DNAJC11: variants seen among roughly 807,000 people sequenced by gnomAD.
DNAJC11 encodes the protein DnaJ heat shock protein family (Hsp40) member C11.
DNAJC11 carries 15 observed loss-of-function variants against 78.6 expected under a neutral mutation model. That is an observed-to-expected ratio of 0.19 (90% confidence interval 0.13 to 0.29). The LOEUF (loss-of-function observed/expected upper bound fraction) is 0.29, where lower values mean the gene tolerates loss of function less well. DNAJC11 is among the 10% of genes least tolerant of loss of function. The probability of loss-of-function intolerance (pLI) is 1.00; values close to 1 mark genes in which losing one functional copy is unlikely to be tolerated. For synonymous variants in DNAJC11, 292 were observed against 272.1 expected (o/e 1.07, Z -0.72); for missense variants, 547 against 709.6 (o/e 0.77, Z 2.60).
At chr1:6,683,046 G>T (rs1026167738) in intron 1 of DNAJC11, among the ~76,000 whole-genome samples, 1 of 152,196 alleles carries the variant, frequency 6.6e-6, no homozygotes, top group African/African-American at 2.4e-5. Context: ...AAGGTTCCAT[G>T]AACTACTCTG....
chr1:6,671,306 G>A (rs775172683), intron 3 of DNAJC11, among the ~76,000 whole-genome samples: 5 of 151,980 alleles, frequency 3.3e-5, no homozygotes, highest in African/African-American at 7.2e-5. Context: ...GTAGTGGTGC[G>A]ATCTCGGCTC....
chr1:6,648,467 T>C (rs1275465679), intron 7 of DNAJC11, among the ~76,000 whole-genome samples: 1 of 152,038 alleles, frequency 6.6e-6, no homozygotes, highest in African/African-American at 2.4e-5. Flanking sequence ...GCATTTCTTT[T>C]TTCTTTTGAG....
intron 1 of DNAJC11, among the ~76,000 whole-genome samples, chr1:6,685,762 G>A (rs1308662358): frequency 1.3e-5 from 2 of 152,296 alleles, no homozygotes; most frequent in Admixed American, 6.5e-5. Flanking sequence ...TCCCCGGTTT[G>A]CAAAGTATTC....
intron 4 of DNAJC11, among the ~76,000 whole-genome samples, chr1:6,659,359 G>A (rs573400073): frequency 1.3e-5 from 2 of 152,210 alleles, no homozygotes; most frequent in South Asian, 4.1e-4. Flanking sequence ...CGTTGGCTCT[G>A]CCCTCTATCT....
At chr1:6,673,549 C>CT (rs1327259987) in intron 3 of DNAJC11, among the ~76,000 whole-genome samples, 2 of 152,078 alleles carry the variant, frequency 1.3e-5, no homozygotes, top group Non-Finnish European at 2.9e-5. Context: ...TTTGGAAACG[C>CT]TACAACAACA....
At chr1:6,685,034 A>G (rs548172294) in intron 1 of DNAJC11, among the ~76,000 whole-genome samples, 1 of 152,344 alleles carries the variant, frequency 6.6e-6, no homozygotes, top group South Asian at 2.1e-4. Flanking sequence ...GCACTTTGGT[A>G]TCCCAAGGTG....
chr1:6,669,781 T>C (rs1642349788), intron 3 of DNAJC11, among the ~76,000 whole-genome samples: 1 of 152,144 alleles, frequency 6.6e-6, no homozygotes, highest in Non-Finnish European at 1.5e-5. Context: ...GTTACTCTTT[T>C]TCTATCACGA....
chr1:6,690,496 GCTCT>G (rs578127664), intron 1 of DNAJC11, among the ~76,000 whole-genome samples: 1 of 152,208 alleles, frequency 6.6e-6, no homozygotes, highest in African/African-American at 2.4e-5. Context: ...CTGCGGCTGT[GCTCT>G]CTATCTTCAC....
chr1:6,673,195 C>CAAAAAAA (rs70981399), intron 3 of DNAJC11, among the ~76,000 whole-genome samples: 5 of 39,280 alleles, frequency 1.3e-4, no homozygotes, highest in Admixed American at 4.6e-4. Flanking sequence ...AACTCCATCT[C>CAAAAAAA]AAAAAAAAAA....
intron 1 of DNAJC11, among the ~76,000 whole-genome samples, chr1:6,692,716 A>C (rs574568871): frequency 7.8e-4 from 115 of 148,000 alleles, no homozygotes; most frequent in African/African-American, 2.6e-3. Context: ...GTTCAAGTGA[A>C]TCTCCTGCCT....
chr1:6,680,482 C>T lies in DNAJC11; in HGVS notation c.202+426G>A, dbSNP rs1475608457. On this transcript the variant is annotated intron_variant, in intron 2 of 15. Transcript: ENST00000377577. This position sits in a 1 kb window ranked among gnomAD's most constrained non-coding sequence, Gnocchi z 4.0. ...CTATAAGCCTTCTTAACATCATTTTCTTTCTTTTATTACAACCGATAACTG... is the reference window on the plus strand; with the variant it reads ...CTATAAGCCTTCTTAACATCATTTTTTTTCTTTTATTACAACCGATAACTG... Among the ~76,000 whole-genome samples the T allele has an allele frequency of 2.0e-5, 3 of 152,160 alleles. No individual in the cohort carries two copies. Among genetic ancestry groups the T allele is most frequent in the African/African-American group, 7.2e-5 (3 of 41,444 alleles).
intron 10 of DNAJC11, among the ~76,000 whole-genome samples, chr1:6,642,089 C>T (rs1050060193): frequency 1.3e-5 from 2 of 152,114 alleles, no homozygotes; most frequent in African/African-American, 4.8e-5. Context: ...CAAAGGCCAC[C>T]TCATAAGCAG....
intron 3 of DNAJC11, among the ~76,000 whole-genome samples, chr1:6,668,623 G>A (rs1267732635): frequency 1.3e-5 from 2 of 151,866 alleles, no homozygotes; most frequent in African/African-American, 2.4e-5. Flanking sequence ...TTGTAGAAAC[G>A]GGGTCTTGCT....
chr1:6,653,661 C>T lies in DNAJC11; in HGVS notation c.507+250G>A, dbSNP rs562262794. On this transcript the variant is annotated intron_variant, in intron 5 of 15. Coordinates refer to ENST00000377577, the MANE Select transcript of DNAJC11 (RefSeq NM_018198.4). The surrounding 1 kb of genome is among the most constrained non-coding windows in gnomAD (Gnocchi z 4.5). ...CTCTACTTCTCCCAGACCATTAACA[C>T]CCTCTGCTGGAAAGGCCCAAGACCT... The T allele has an allele frequency of 5.3e-6, 2 of 375,348 alleles. No homozygotes were observed. The highest frequency in any genetic ancestry group is 2.6e-5 in the South Asian group (1 of 39,002). 23.3% of individuals were successfully genotyped at this position (375,348 alleles called of 1,614,324 possible).
At chr1:6,694,874 C>T (rs997351390) in intron 1 of DNAJC11, among the ~76,000 whole-genome samples, 10 of 150,228 alleles carry the variant, frequency 6.7e-5, no homozygotes, top group African/African-American at 2.2e-4. Flanking sequence ...ACTCAGGAGG[C>T]TGAGGCAGGA....
chr1:6,680,780 G>T lies in DNAJC11; in HGVS notation c.202+128C>A. On this transcript the variant is annotated intron_variant, in intron 2 of 15. Transcript: ENST00000377577. The surrounding 1 kb of genome is among the most constrained non-coding windows in gnomAD (Gnocchi z 4.0). ...TTTCAAAGGACCCTGTCAGTGAAAA[G>T]TACTAAACTAACCACCTGTTTTATA... 1 of 1,161,140 alleles carries T rather than the reference G, an allele frequency of 8.6e-7. No individual in the cohort carries two copies. Among genetic ancestry groups the T allele is most frequent in the Non-Finnish European group, 1.2e-6 (1 of 828,330 alleles). 71.9% of individuals were successfully genotyped at this position (1,161,140 alleles called of 1,614,324 possible).
chr1:6,654,717 C>T (rs1425092695), intron 4 of DNAJC11, among the ~76,000 whole-genome samples: 2 of 151,968 alleles, frequency 1.3e-5, no homozygotes, highest in Non-Finnish European at 2.9e-5. Context: ...AAACCATGGC[C>T]ACACACATTT....
intron 4 of DNAJC11, among the ~76,000 whole-genome samples, chr1:6,664,518 G>A (rs1395022370): frequency 2.6e-5 from 4 of 152,100 alleles, no homozygotes; most frequent in African/African-American, 9.7e-5. Flanking sequence ...GATTACAAGC[G>A]TGAGCCACTG....
rs368256065 is a variant in DNAJC11 at position 6,634,691 on chromosome 1, G to T, written c.*984C>A. The T allele has an allele frequency of 3.7e-6, 5 of 1,366,066 alleles. No individual in the cohort carries two copies. The highest frequency in any genetic ancestry group is 9.8e-7 in the Non-Finnish European group (1 of 1,021,694). The allele number at this position is 1,366,066 out of a possible 1,614,324, so 84.6% of individuals were successfully genotyped here. On this transcript the variant is annotated 3_prime_UTR_variant, in exon 16 of 16. Transcript: ENST00000377577. ...TGCATTCTGCATCCCAAGTGGGCACGTGGAGGAAGGGTCTGAAGGAAGGCT... is the reference window on the plus strand; with the variant it reads ...TGCATTCTGCATCCCAAGTGGGCACTTGGAGGAAGGGTCTGAAGGAAGGCT...
Sources: allele counts gnomAD v4.1 joint callset (sites outside exome capture counted in the v4.1 genomes callset), GRCh38; gene constraint gnomAD v4.1.1; non-coding constraint Gnocchi (gnomAD v3.1); transcripts MANE v1.5; gene names NCBI Gene and HGNC (gene_info 2026-07-23, HGNC 2026-07-21).